DLG2: variants seen among roughly 807,000 people sequenced by gnomAD.
DLG2 encodes the protein discs large MAGUK scaffold protein 2.
Under a neutral mutation model 132.5 loss-of-function variants are expected in DLG2, and 45 were observed. The ratio of observed to expected loss-of-function variants is 0.34; its 90% confidence interval spans 0.27 to 0.44. DLG2 has a LOEUF of 0.44. Among genes scored for constraint, DLG2 ranks in the 20% least tolerant of loss-of-function variants. The pLI, the probability that DLG2 is intolerant of heterozygous loss-of-function variation, is 1.00. For missense variants in DLG2, 1,045 were observed against 1,196.9 expected, an observed-to-expected ratio of 0.87 and a Z score of 1.87; for synonymous variants, 424 against 419.6, an observed-to-expected ratio of 1.01 and a Z score of -0.13.
chr11:83,718,636 T>A (rs1454609059), intron 18 of DLG2, among the ~76,000 whole-genome samples: 1 of 150,250 alleles, frequency 6.7e-6, no homozygotes, highest in Non-Finnish European at 1.5e-5. Flanking sequence ...TGACAATGGG[T>A]TTCTTATTTT....
At chr11:83,820,432 C>T (rs1293587973) in intron 17 of DLG2, among the ~76,000 whole-genome samples, 3 of 152,118 alleles carry the variant, frequency 2.0e-5, no homozygotes, top group Non-Finnish European at 1.5e-5. Context: ...ATCAAAAGTA[C>T]TATTCAGAAA....
At chr11:83,641,885 G>A (rs1428874245) in intron 18 of DLG2, among the ~76,000 whole-genome samples, 1 of 151,652 alleles carries the variant, frequency 6.6e-6, no homozygotes, top group Non-Finnish European at 1.5e-5. Context: ...GTGTGTGTGT[G>A]TGTGTGTATG....
intron 6 of DLG2, among the ~76,000 whole-genome samples, chr11:84,550,398 C>G (rs560510017): frequency 6.6e-6 from 1 of 152,140 alleles, no homozygotes; most frequent in South Asian, 2.1e-4. Flanking sequence ...CACTCCTACT[C>G]TTGGTATCTT....
At chr11:84,973,357 C>T (rs980182942) in intron 6 of DLG2, among the ~76,000 whole-genome samples, 1 of 152,034 alleles carries the variant, frequency 6.6e-6, no homozygotes, top group Non-Finnish European at 1.5e-5. Flanking sequence ...GTGCAGGAGG[C>T]GTCTGTATTG....
intron 6 of DLG2, among the ~76,000 whole-genome samples, chr11:84,769,114 T>A (rs2068862640): frequency 6.6e-6 from 1 of 152,100 alleles, no homozygotes; most frequent in Non-Finnish European, 1.5e-5. Flanking sequence ...AACGCTCCTA[T>A]TAGCCCTCCA....
chr11:84,861,630 AAAAAAAAAAC>A (rs1462489367), intron 6 of DLG2, among the ~76,000 whole-genome samples: 6 of 72,848 alleles, frequency 8.2e-5, no homozygotes, highest in South Asian at 4.0e-4. Context: ...AAAAAAAAAA[AAAAAAAAAAC>A]AAAAAAAAAA....
chr11:84,636,919 T>C (rs1320244120), intron 6 of DLG2, among the ~76,000 whole-genome samples: 1 of 151,816 alleles, frequency 6.6e-6, no homozygotes, highest in African/African-American at 2.4e-5. Flanking sequence ...GTAGCTGGGA[T>C]TACAGGTGCC....
intron 3 of DLG2, among the ~76,000 whole-genome samples, chr11:85,552,998 A>C (rs2076751449): frequency 6.6e-6 from 1 of 151,772 alleles, no homozygotes; most frequent in South Asian, 2.1e-4. Flanking sequence ...ACAAAAATAA[A>C]ATACTAAAAG....
chr11:84,753,313 A>T (rs942976610), intron 6 of DLG2, among the ~76,000 whole-genome samples: 45 of 152,216 alleles, frequency 3.0e-4, no homozygotes, highest in African/African-American at 1.1e-3. Flanking sequence ...GAGTGGAAAC[A>T]GGGAGATAAG....
At chr11:84,124,185 C>T (rs879506127) in intron 9 of DLG2, among the ~76,000 whole-genome samples, 15 of 152,098 alleles carry the variant, frequency 9.9e-5, no homozygotes, top group Non-Finnish European at 1.5e-4. Context: ...AATGTACTGA[C>T]CACTACCAGC....
intron 6 of DLG2, among the ~76,000 whole-genome samples, chr11:84,920,442 TTTTG>T (rs368586837): frequency 1.5e-4 from 23 of 152,282 alleles, no homozygotes; most frequent in African/African-American, 5.1e-4. Context: ...TAGCCTGTGA[TTTTG>T]TTTGTTTGTT....
At chr11:85,386,957 T>C (rs1403776674) in intron 3 of DLG2, among the ~76,000 whole-genome samples, 2 of 151,446 alleles carry the variant, frequency 1.3e-5, no homozygotes, top group Non-Finnish European at 2.9e-5. Context: ...TGCAATGGTG[T>C]GCTCTTGGCT....
At chr11:85,126,654 A>G (rs2075150425) in intron 5 of DLG2, among the ~76,000 whole-genome samples, 1 of 152,054 alleles carries the variant, frequency 6.6e-6, no homozygotes, top group African/African-American at 2.4e-5. Flanking sequence ...CCACGTAGAC[A>G]TGCCACCTTG....
At position 84,942,869 on chromosome 11, in the gene DLG2, T is replaced by C. The variant is rs150376065; in HGVS notation, c.357+168792A>G. On this transcript the variant is annotated intron_variant, in intron 6 of 27. Coordinates refer to ENST00000376104, the MANE Select transcript of DLG2 (RefSeq NM_001142699.3). ...TGAGATTTTTCCCTCTCTTTGGCTT[T>C]AATAATATTTGCTTTATATATCTGG... 2.0e-3 allele frequency among the ~76,000 whole-genome samples: 308 copies of C among 152,314 alleles called. 2 individuals carry two copies. The highest frequency in any genetic ancestry group is 7.1e-3 in the African/African-American group (294 of 41,566).
intron 6 of DLG2, chr11:84,923,210 G>A: frequency 6.3e-7 from 1 of 1,594,398 alleles, no homozygotes; most frequent in Non-Finnish European, 8.5e-7. Context: ...CTACTAAAGA[G>A]CATCCGTTCC....
At chr11:85,618,976 G>A (rs1354066680) in intron 2 of DLG2, among the ~76,000 whole-genome samples, 1 of 152,144 alleles carries the variant, frequency 6.6e-6, no homozygotes, top group African/African-American at 2.4e-5. Flanking sequence ...CAATAGATAT[G>A]TAAAATAAAA....
chr11:85,483,730 G>C (rs1309396763), intron 3 of DLG2, among the ~76,000 whole-genome samples: 1 of 151,866 alleles, frequency 6.6e-6, no homozygotes, highest in Non-Finnish European at 1.5e-5. Context: ...GATCACTTGA[G>C]GTCAGGAGTT....
chr11:85,476,642 T>A (rs1282324262), intron 3 of DLG2, among the ~76,000 whole-genome samples: 1 of 152,078 alleles, frequency 6.6e-6, no homozygotes, highest in Non-Finnish European at 1.5e-5. Flanking sequence ...ACTTTTTTGT[T>A]AAAAACTGAA....
At chr11:84,296,631 G>A (rs939472895) in intron 7 of DLG2, among the ~76,000 whole-genome samples, 1 of 151,934 alleles carries the variant, frequency 6.6e-6, no homozygotes, top group Non-Finnish European at 1.5e-5. Flanking sequence ...GTAGAGATGG[G>A]GTCCCACTAT....
Sources: gnomAD v4.1 joint callset for allele counts (sites outside exome capture counted in the v4.1 genomes callset) on GRCh38, gnomAD v4.1.1 for gene constraint, MANE v1.5 for transcripts, NCBI Gene and HGNC (gene_info 2026-07-23, HGNC 2026-07-21) for gene names.